The following LMNB1 variants were observed in gnomAD, a reference collection of about 807,000 sequenced individuals.
LMNB1 encodes the protein lamin B1, also known as lamin-B1.
A neutral mutation model predicts 67.1 loss-of-function variants in LMNB1; 23 were observed. The observed-to-expected ratio is 0.34, with a 90% CI of 0.25 to 0.49. LMNB1 has a LOEUF of 0.49. Ranked by LOEUF, LMNB1 falls within the 20% of genes least tolerant of loss-of-function variation. The probability of loss-of-function intolerance (pLI) is 0.99; values close to 1 mark genes in which losing one functional copy is unlikely to be tolerated. For missense variants in LMNB1, 634 were observed against 746.5 expected, an observed-to-expected ratio of 0.85 and a Z score of 1.76; for synonymous variants, 281 against 282.9, an observed-to-expected ratio of 0.99 and a Z score of 0.07.
intron 1 of LMNB1, among the ~76,000 whole-genome samples, chr5:126,778,270 C>T (rs1750528252): frequency 6.6e-6 from 1 of 151,966 alleles, no homozygotes; most frequent in Non-Finnish European, 1.5e-5. Flanking sequence ...CCCCAGTTTC[C>T]GGCCGGCGCG....
intron 10 of LMNB1, among the ~76,000 whole-genome samples, chr5:126,834,672 C>G (rs536628927): frequency 1.3e-5 from 2 of 152,152 alleles, no homozygotes. Context: ...GTCAGGAGAT[C>G]GAGACCATCC....
At chr5:126,810,705 G>A (rs1355245568) in intron 4 of LMNB1, among the ~76,000 whole-genome samples, 2 of 152,296 alleles carry the variant, frequency 1.3e-5, no homozygotes, top group East Asian at 3.9e-4. Context: ...CATCCATTTA[G>A]TAATGAATGA....
At chr5:126,797,776 T>TAGA (rs1216343250) in intron 1 of LMNB1, among the ~76,000 whole-genome samples, 1 of 152,196 alleles carries the variant, frequency 6.6e-6, no homozygotes, top group Non-Finnish European at 1.5e-5. Flanking sequence ...TCATGTGACA[T>TAGA]AGAAGACTCA....
At chr5:126,784,185 C>T (rs1457778810) in intron 1 of LMNB1, among the ~76,000 whole-genome samples, 7 of 150,270 alleles carry the variant, frequency 4.7e-5, no homozygotes, top group South Asian at 2.1e-4. Context: ...CCACTACACC[C>T]GGCTGATTTT....
chr5:126,833,911 T>C (rs908567930), intron 10 of LMNB1, among the ~76,000 whole-genome samples: 11 of 152,218 alleles, frequency 7.2e-5, no homozygotes, highest in Middle Eastern at 6.3e-3. Context: ...TCTGAGGATG[T>C]TGGAATTCAC....
chr5:126,836,539 A>T lies in LMNB1; in HGVS notation c.*275A>T. ...CCTCAAATTTTTTGACTTTTTTTGT[A>T]TGTGTGTTTTTTCTTTTTTTTTAAG... On this transcript the variant is annotated 3_prime_UTR_variant, in exon 11 of 11. Coordinates refer to ENST00000261366, the MANE Select transcript of LMNB1 (RefSeq NM_005573.4). The T allele has an allele frequency of 2.8e-6, 1 of 354,554 alleles. No homozygotes were observed. Among genetic ancestry groups the T allele is most frequent in the Admixed American group, 4.6e-5 (1 of 21,512 alleles). The allele number at this position is 354,554 out of a possible 1,614,324, so 22.0% of individuals were successfully genotyped here.
rs1026238575 is a variant in LMNB1 at position 126,836,920 on chromosome 5, G to T, written c.*656G>T. 2.5e-6 allele frequency: 1 copy of T among 396,760 alleles called. No homozygotes were observed. Among genetic ancestry groups the T allele is most frequent in the Admixed American group, 4.4e-5 (1 of 22,584 alleles). 24.6% of individuals were successfully genotyped at this position (396,760 alleles called of 1,614,324 possible). The stretch of plus-strand genomic sequence containing the variant: ...GGGAGGGAGGTGGAGGGAGGGAAGG[G>T]TTTCTCTATTAAAATGCATTCGTTG... On this transcript the variant is annotated 3_prime_UTR_variant, in exon 11 of 11. Coordinates refer to ENST00000261366, the MANE Select transcript of LMNB1 (RefSeq NM_005573.4).
At chr5:126,808,061 A>G (rs572215265) in intron 3 of LMNB1, among the ~76,000 whole-genome samples, 2 of 152,184 alleles carry the variant, frequency 1.3e-5, no homozygotes, top group Non-Finnish European at 2.9e-5. Context: ...TAGTAGAGAC[A>G]GGGTTTCACC....
intron 9 of LMNB1, among the ~76,000 whole-genome samples, chr5:126,830,508 C>T (rs547172145): frequency 1.3e-4 from 20 of 152,148 alleles, no homozygotes; most frequent in South Asian, 4.1e-4. Flanking sequence ...ATTTTTTATA[C>T]GGCTTTCTGT....
intron 8 of LMNB1, among the ~76,000 whole-genome samples, chr5:126,824,808 G>A (rs1667212079): frequency 1.3e-5 from 2 of 151,920 alleles, no homozygotes; most frequent in South Asian, 4.1e-4. Flanking sequence ...CTCCTAATCA[G>A]TAATTCATAG....
intron 1 of LMNB1, among the ~76,000 whole-genome samples, chr5:126,796,556 A>T (rs1751098989): frequency 6.6e-6 from 1 of 152,202 alleles, no homozygotes; most frequent in African/African-American, 2.4e-5. Context: ...TGGTGGTAGA[A>T]GGTGCTTAGG....
chr5:126,827,401 T>C (rs1014914992), intron 9 of LMNB1, among the ~76,000 whole-genome samples: 1 of 152,246 alleles, frequency 6.6e-6, no homozygotes, highest in African/African-American at 2.4e-5. Flanking sequence ...GGCTCATGCC[T>C]GTAATCCCAG....
chr5:126,812,984 T>C (rs1424868045), intron 5 of LMNB1, among the ~76,000 whole-genome samples: 1 of 152,126 alleles, frequency 6.6e-6, no homozygotes, highest in African/African-American at 2.4e-5. Context: ...CCGCCTCGGC[T>C]TCCCAGAGTG....
chr5:126,803,486 G>C (rs527948179), intron 1 of LMNB1, among the ~76,000 whole-genome samples: 3 of 152,152 alleles, frequency 2.0e-5, no homozygotes, highest in South Asian at 4.2e-4. Context: ...AACATCAGGT[G>C]ATCCGCCCAC....
chr5:126,777,399 G>A lies in LMNB1; in HGVS notation c.-110G>A. On this transcript the variant is annotated 5_prime_UTR_variant, in exon 1 of 11. Transcript: ENST00000261366. Reference sequence around the variant, plus strand: ...CCTCTAAACGCCAGCGTCTGGACGTGAGCGCAGGTCGCCGGTTTGTGCCTT... The same window carrying A: ...CCTCTAAACGCCAGCGTCTGGACGTAAGCGCAGGTCGCCGGTTTGTGCCTT... 3.3e-6 allele frequency: 4 copies of A among 1,194,882 alleles called. No homozygotes were observed. Among genetic ancestry groups the A allele is most frequent in the Non-Finnish European group, 4.2e-6 (4 of 951,138 alleles). The allele number at this position is 1,194,882 out of a possible 1,614,324, so 74.0% of individuals were successfully genotyped here.
chr5:126,834,158 A>T (rs1164068269), intron 10 of LMNB1, among the ~76,000 whole-genome samples: 1 of 151,496 alleles, frequency 6.6e-6, no homozygotes, highest in Non-Finnish European at 1.5e-5. Context: ...AAAGCTTTAT[A>T]GCATGGCAAT....
At chr5:126,784,802 G>A (rs1257169929) in intron 1 of LMNB1, among the ~76,000 whole-genome samples, 4 of 151,036 alleles carry the variant, frequency 2.6e-5, no homozygotes, top group Non-Finnish European at 5.9e-5. Flanking sequence ...TGGAACTACA[G>A]GCGCCCTCCA....
intron 1 of LMNB1, among the ~76,000 whole-genome samples, chr5:126,795,107 A>G (rs1236964848): frequency 6.7e-6 from 1 of 148,696 alleles, no homozygotes; most frequent in Non-Finnish European, 1.5e-5. Flanking sequence ...TTATGGTTGG[A>G]ATATGCTAAC....
intron 3 of LMNB1, among the ~76,000 whole-genome samples, chr5:126,809,035 C>T (rs1751522773): frequency 6.6e-6 from 1 of 152,092 alleles, no homozygotes; most frequent in Non-Finnish European, 1.5e-5. Context: ...TCCATCATGG[C>T]TGACTAATTT....
Sources: allele counts gnomAD v4.1 joint callset (sites outside exome capture counted in the v4.1 genomes callset), GRCh38; gene constraint gnomAD v4.1.1; transcripts MANE v1.5; gene names NCBI Gene and HGNC (gene_info 2026-07-23, HGNC 2026-07-21).